The following ZFPM2 variants were observed in gnomAD, a reference collection of about 807,000 sequenced individuals.
ZFPM2 encodes zinc finger protein ZFPM2.
Under a neutral mutation model 98.6 loss-of-function variants are expected in ZFPM2, and 20 were observed. That is an observed-to-expected ratio of 0.20 (90% CI 0.14 to 0.29). The LOEUF is 0.29. Among genes scored for constraint, ZFPM2 ranks in the 10% least tolerant of loss-of-function variants. The pLI is 1.00. For missense variants in ZFPM2, 1,310 were observed against 1,388.6 expected (o/e 0.94, Z 0.90); for synonymous variants, 518 against 502.7 (o/e 1.03, Z -0.41).
rs192888030 is a variant in ZFPM2 at position 105,485,481 on chromosome 8, G to C, written c.301+41100G>C. ...TGCAATGAGCTATGATTGTGCCTCT[G>C]CTCTCCAACCTGGGTGACAGAGCGA... On this transcript the variant is annotated intron_variant, in intron 3 of 7. Transcript: ENST00000407775. Among the ~76,000 whole-genome samples the C allele has an allele frequency of 1.2e-4, 19 of 152,184 alleles. No individual in the cohort carries two copies. In the East Asian group the frequency reaches 3.7e-3, roughly 29 times the overall value.
rs189619377 is a variant in ZFPM2 at position 105,738,323 on chromosome 8, C to T, written c.533-50395C>T. Among the ~76,000 whole-genome samples the T allele has an allele frequency of 2.8e-3, 428 of 152,078 alleles. 1 individual carries two copies. Among genetic ancestry groups the T allele is most frequent in the Non-Finnish European group, 4.3e-3 (293 of 67,964 alleles). On this transcript the variant is annotated intron_variant, in intron 5 of 7. Coordinates refer to ENST00000407775, the MANE Select transcript of ZFPM2 (RefSeq NM_012082.4). ...TGCTAAGGATAGTGGTCTCTATTTCCTCCCATGTTCCTGCAAAGAACATGA... is the reference window on the plus strand; with the variant it reads ...TGCTAAGGATAGTGGTCTCTATTTCTTCCCATGTTCCTGCAAAGAACATGA...
At chr8:105,339,933 A>G (rs1481342701) in intron 1 of ZFPM2, among the ~76,000 whole-genome samples, 1 of 151,968 alleles carries the variant, frequency 6.6e-6, no homozygotes, top group Non-Finnish European at 1.5e-5. Flanking sequence ...GATGCCATAA[A>G]GGAGATCTTA....
intron 2 of ZFPM2, among the ~76,000 whole-genome samples, chr8:105,441,537 A>G (rs983388113): frequency 2.7e-5 from 4 of 149,920 alleles, no homozygotes; most frequent in African/African-American, 9.8e-5. Flanking sequence ...TGGAGTCTAT[A>G]GGAGTTCAGG....
At position 105,734,091 on chromosome 8, in the gene ZFPM2, T is replaced by C. The variant is rs75344544; in HGVS notation, c.533-54627T>C. ...CAACACTCCTTTCTCTCATATATCCTCTTTTGGCCACACAGCTCCATGTCA... is the reference window on the plus strand; with the variant it reads ...CAACACTCCTTTCTCTCATATATCCCCTTTTGGCCACACAGCTCCATGTCA... On this transcript the variant is annotated intron_variant, in intron 5 of 7. Transcript: ENST00000407775. 1.1e-3 allele frequency among the ~76,000 whole-genome samples: 171 copies of C among 152,026 alleles called. 3 individuals carry two copies. In the East Asian group the frequency reaches 0.027, roughly 24 times the overall value.
At chr8:105,767,101 A>C (rs2920043) in intron 5 of ZFPM2, among the ~76,000 whole-genome samples, 78,676 of 151,284 alleles carry the variant, frequency 0.52, 23,940 homozygotes, top group African/African-American at 0.86. Context: ...GATCACAATA[A>C]ATATTGTGGT....
chr8:105,412,412 G>A (rs916100046), intron 1 of ZFPM2, among the ~76,000 whole-genome samples: 10 of 151,470 alleles, frequency 6.6e-5, no homozygotes, highest in African/African-American at 2.4e-4. Flanking sequence ...TAAAAAAGAG[G>A]TACAGCTATG....
chr8:105,488,293 A>G (rs1813278176), intron 3 of ZFPM2, among the ~76,000 whole-genome samples: 1 of 152,226 alleles, frequency 6.6e-6, no homozygotes, highest in African/African-American at 2.4e-5. Context: ...CTCCAGAATT[A>G]GGAAGAATCT....
At chr8:105,588,915 G>A (rs1269794762) in intron 4 of ZFPM2, among the ~76,000 whole-genome samples, 2 of 152,222 alleles carry the variant, frequency 1.3e-5, no homozygotes, top group Non-Finnish European at 2.9e-5. Context: ...GAGCTGTTGA[G>A]AAGATGGTCA....
In ZFPM2 at chr8:105,584,479, C is replaced by T. The variant is rs185086068; in HGVS notation, c.420+22998C>T. Among the ~76,000 whole-genome samples, 195 of 152,088 alleles carry T rather than the reference C, an allele frequency of 1.3e-3. 1 individual carries two copies. Among genetic ancestry groups the T allele is most frequent in the Middle Eastern group, 3.4e-3 (1 of 294 alleles). Reference sequence around the variant, plus strand: ...GTGTATCAATTTCTTTTTCCCGTGGCGTCAAAAACACAAAGTAGTCTGGTT... The same window carrying T: ...GTGTATCAATTTCTTTTTCCCGTGGTGTCAAAAACACAAAGTAGTCTGGTT... On this transcript the variant is annotated intron_variant, in intron 4 of 7. Transcript: ENST00000407775.
intron 4 of ZFPM2, among the ~76,000 whole-genome samples, chr8:105,615,999 TTAAA>T (rs1433835895): frequency 6.6e-6 from 1 of 152,100 alleles, no homozygotes; most frequent in Admixed American, 6.6e-5. Context: ...ATACAAAAAA[TTAAA>T]TAAGTACTTA....
chr8:105,609,251 G>T (rs190120659), intron 4 of ZFPM2, among the ~76,000 whole-genome samples: 81 of 152,104 alleles, frequency 5.3e-4, no homozygotes, highest in African/African-American at 1.9e-3. Context: ...GGAGCATGGA[G>T]GCAAGCCAGG....
At chr8:105,380,675 A>G (rs1323801423) in intron 1 of ZFPM2, among the ~76,000 whole-genome samples, 6 of 19,724 alleles carry the variant, frequency 3.0e-4, no homozygotes, top group African/African-American at 1.5e-3. Context: ...TAACATATAT[A>G]TTATATATAT....
intron 4 of ZFPM2, among the ~76,000 whole-genome samples, chr8:105,596,365 A>G (rs919301424): frequency 2.1e-4 from 32 of 152,070 alleles, no homozygotes; most frequent in Non-Finnish European, 4.3e-4. Context: ...GAAAGAAAAA[A>G]GAAGGAAACA....
chr8:105,502,856 C>T (rs1312388212), intron 3 of ZFPM2, among the ~76,000 whole-genome samples: 4 of 152,088 alleles, frequency 2.6e-5, no homozygotes, highest in East Asian at 3.9e-4. Flanking sequence ...TCATACTCCA[C>T]GGTTGATTAT....
chr8:105,365,470 G>C (rs1450101804), intron 1 of ZFPM2, among the ~76,000 whole-genome samples: 2 of 152,042 alleles, frequency 1.3e-5, no homozygotes, highest in Non-Finnish European at 2.9e-5. Context: ...ATTTAAAATA[G>C]GTGATTAAAT....
At chr8:105,491,285 C>G (rs1369602643) in intron 3 of ZFPM2, among the ~76,000 whole-genome samples, 1 of 152,010 alleles carries the variant, frequency 6.6e-6, no homozygotes, top group African/African-American at 2.4e-5. Context: ...GAGAAGAGTA[C>G]ATTAAGAAGC....
intron 5 of ZFPM2, among the ~76,000 whole-genome samples, chr8:105,768,922 C>G (rs1489001353): frequency 6.6e-6 from 1 of 151,818 alleles, no homozygotes; most frequent in Non-Finnish European, 1.5e-5. Flanking sequence ...TCATCTCTAA[C>G]AGATCCAGAA....
At chr8:105,724,897 T>C (rs1349087832) in intron 5 of ZFPM2, among the ~76,000 whole-genome samples, 1 of 151,756 alleles carries the variant, frequency 6.6e-6, no homozygotes, top group Non-Finnish European at 1.5e-5. Context: ...TTTTTCAAAT[T>C]GTCACAAATC....
intron 5 of ZFPM2, among the ~76,000 whole-genome samples, chr8:105,650,763 C>A (rs1465725772): frequency 1.3e-5 from 2 of 152,092 alleles, no homozygotes; most frequent in Non-Finnish European, 2.9e-5. Context: ...AATTTCTGTT[C>A]TTTTACATTT....
Sources: gnomAD v4.1 joint callset for allele counts (sites outside exome capture counted in the v4.1 genomes callset) on GRCh38, gnomAD v4.1.1 for gene constraint, MANE v1.5 for transcripts, NCBI Gene and HGNC (gene_info 2026-07-23, HGNC 2026-07-21) for gene names.